GLCCI1: variants seen among roughly 807,000 people sequenced by gnomAD.
GLCCI1 encodes glucocorticoid induced 1.
GLCCI1 carries 24 observed loss-of-function variants against 52.2 expected under a neutral mutation model. The ratio of observed to expected loss-of-function variants is 0.46; its 90% CI spans 0.33 to 0.65. GLCCI1 has a LOEUF of 0.65. GLCCI1 is among the 30% of genes least tolerant of loss of function. The pLI, the probability that GLCCI1 is intolerant of heterozygous loss-of-function variation, is 0.02. For synonymous variants in GLCCI1, 310 were observed against 276.5 expected, an observed-to-expected ratio of 1.12 and a Z score of -1.20; for missense variants, 704 against 701.5, an observed-to-expected ratio of 1.00 and a Z score of -0.04.
intron 3 of GLCCI1, among the ~76,000 whole-genome samples, chr7:8,032,672 A>G (rs1180192175): frequency 6.6e-6 from 1 of 152,040 alleles, no homozygotes; most frequent in Non-Finnish European, 1.5e-5. Flanking sequence ...AAAGACACAA[A>G]TTAGTAGAAA....
chr7:8,060,152 A>C lies in GLCCI1; in HGVS notation c.870A>C (p.Ser290=), dbSNP rs1172703264. 2 of 1,613,714 alleles carry C rather than the reference A, an allele frequency of 1.2e-6. No individual in the cohort carries two copies. The highest frequency in any genetic ancestry group is 8.5e-7 in the Non-Finnish European group (1 of 1,179,784). The change falls in exon 5 of 8, where the codon TCA becomes TCC. Residue 290 remains serine, a synonymous_variant. Transcript: ENST00000223145. ...MPLSNISVPK[S]SVSRVPCNVE... ...TGTCAAATATATCAGTGCCAAAATC[A>C]TCTGTTTCGCGTGTGCCCTGCAATG...
At chr7:8,067,464 T>A (rs546864716) in intron 5 of GLCCI1, among the ~76,000 whole-genome samples, 4 of 152,358 alleles carry the variant, frequency 2.6e-5, no homozygotes, top group African/African-American at 9.6e-5. Flanking sequence ...TGCTTTATAG[T>A]GTCACTGTTC....
Position 7,976,493 on chromosome 7 carries a change from AAAAAAGGAAAGG to A in GLCCI1, c.457+6700_457+6711del, listed in dbSNP as rs1484752838. Among the ~76,000 whole-genome samples the A allele has an allele frequency of 9.6e-4, 140 of 145,644 alleles. 1 individual carries two copies. Among genetic ancestry groups the A allele is most frequent in the African/African-American group, 1.5e-3 (57 of 38,010 alleles). On this transcript the variant is annotated intron_variant, in intron 1 of 7. Transcript: ENST00000223145. ...AAACTCCATCTCAAAAAAAAAAAAA[AAAAAAGGAAAGG>A]AAAAAGGAAAGGAGAAAGGAAAAAG...
rs377649720 is a variant in GLCCI1 at position 8,012,605 on chromosome 7, C to T, written c.609+8546C>T. On this transcript the variant is annotated intron_variant, in intron 2 of 7. Coordinates refer to ENST00000223145, the MANE Select transcript of GLCCI1 (RefSeq NM_138426.4). ...GACTACAGGCGCCTGCCACCATGCC[C>T]GGCTAATTTTTTGTATTTTTTAGTA... Among the ~76,000 whole-genome samples the T allele has an allele frequency of 7.2e-3, 1,095 of 151,392 alleles. 17 individuals carry two copies. The highest frequency in any genetic ancestry group is 0.025 in the African/African-American group (1,026 of 41,298).
chr7:8,018,178 T>C (rs530526667), intron 2 of GLCCI1, among the ~76,000 whole-genome samples: 74 of 152,286 alleles, frequency 4.9e-4, no homozygotes, highest in African/African-American at 1.7e-3. Context: ...ATTTCTATAA[T>C]TGATTTATAA....
chr7:8,071,885 A>G (rs1225306083), intron 6 of GLCCI1, among the ~76,000 whole-genome samples: 1 of 152,226 alleles, frequency 6.6e-6, no homozygotes, highest in Non-Finnish European at 1.5e-5. Context: ...GTCAATGGCA[A>G]CAAAATTGTA....
At chr7:7,984,803 TTCTG>T (rs1323492516) in intron 1 of GLCCI1, among the ~76,000 whole-genome samples, 3 of 152,250 alleles carry the variant, frequency 2.0e-5, no homozygotes, top group East Asian at 1.9e-4. Flanking sequence ...TCCATTCCCT[TTCTG>T]TCTGAGTTTT....
chr7:8,055,471 A>G lies in GLCCI1; in HGVS notation c.735A>G (p.Lys245=). ...TGAGGCAGCAACTACAACGCAGTAA[A>G]CAGAGTAGTCGTCACAGTAAGGAGA... ...AKLRQQLQRS[K]QSSRHSKEKD... The change falls in exon 4 of 8, where the codon AAA becomes AAG. Residue 245 remains lysine (K), a synonymous_variant. Transcript: ENST00000223145. 1 of 1,614,042 alleles carries G rather than the reference A, an allele frequency of 6.2e-7. No individual in the cohort carries two copies. The highest frequency in any genetic ancestry group is 1.3e-5 in the African/African-American group (1 of 75,058).
At chr7:8,004,161 A>T in intron 2 of GLCCI1, 102 bp downstream of exon 2, 1 of 1,068,092 alleles carries the variant, frequency 9.4e-7, no homozygotes, top group South Asian at 1.9e-5. Flanking sequence ...AATTTGAAAT[A>T]CATCCAACCA....
intron 2 of GLCCI1, among the ~76,000 whole-genome samples, chr7:8,006,567 G>A (rs534084404): frequency 7.8e-4 from 119 of 152,244 alleles, no homozygotes; most frequent in Admixed American, 6.5e-4. Context: ...AGACATGCCC[G>A]CTTGTAACAT....
At chr7:8,016,478 CAAAA>C (rs561377357) in intron 2 of GLCCI1, among the ~76,000 whole-genome samples, 30 of 151,266 alleles carry the variant, frequency 2.0e-4, no homozygotes, top group African/African-American at 7.3e-4. Flanking sequence ...CAAAAACAAA[CAAAA>C]AAAACCAATT....
At chr7:8,054,380 A>C (rs1246738258) in intron 3 of GLCCI1, among the ~76,000 whole-genome samples, 1 of 152,188 alleles carries the variant, frequency 6.6e-6, no homozygotes, top group African/African-American at 2.4e-5. Flanking sequence ...CATAAGCTAC[A>C]TAGAGCTTTA....
At chr7:8,007,405 C>A (rs1781175973) in intron 2 of GLCCI1, among the ~76,000 whole-genome samples, 1 of 152,102 alleles carries the variant, frequency 6.6e-6, no homozygotes, top group Admixed American at 6.6e-5. Flanking sequence ...TGAACCCAGA[C>A]CTGGCTGATT....
intron 1 of GLCCI1, among the ~76,000 whole-genome samples, chr7:7,986,772 G>A (rs1296676323): frequency 6.6e-6 from 1 of 152,170 alleles, no homozygotes; most frequent in East Asian, 1.9e-4. Flanking sequence ...GATGGTTCCA[G>A]CCTTTATGGT....
At chr7:8,071,206 C>CTT (rs144884879) in intron 6 of GLCCI1, 75 bp downstream of exon 6, 183 of 882,292 alleles carry the variant, frequency 2.1e-4, no homozygotes, top group East Asian at 4.2e-4. Context: ...ACCATTACAT[C>CTT]TTTTTTTTTT....
At position 8,003,915 on chromosome 7, in the gene GLCCI1, G is replaced by C; in HGVS notation, c.465G>C (p.Lys155Asn). 6.2e-7 allele frequency: 1 copy of C among 1,610,376 alleles called. No homozygotes were observed. Among genetic ancestry groups the C allele is most frequent in the Non-Finnish European group, 8.5e-7 (1 of 1,178,404 alleles). The change falls in exon 2 of 8, where the codon AAG becomes AAC. Residue 155 changes from lysine to asparagine, a missense_variant. Transcript: ENST00000223145. Reference protein sequence around the residue: ...SPGSPVCRADKAKSQQVRTSS... With the variant: ...SPGSPVCRADNAKSQQVRTSS... ...TTTTTTCACTTTCTGTAGCGGACAA[G>C]GCAAAATCTCAGCAAGTTCGGACCT...
At position 8,017,684 on chromosome 7, in the gene GLCCI1, A is replaced by G. The variant is rs575328271; in HGVS notation, c.610-4799A>G. On this transcript the variant is annotated intron_variant, in intron 2 of 7. Coordinates refer to ENST00000223145, the MANE Select transcript of GLCCI1 (RefSeq NM_138426.4). ...AGTGCTGCTATTGCTGAATTCCTAA[A>G]GCTTAAAAAAAAACCTTCCGACTTT... Among the ~76,000 whole-genome samples the G allele has an allele frequency of 2.4e-3, 370 of 152,216 alleles. 3 individuals carry two copies. The highest frequency in any genetic ancestry group is 6.8e-3 in the Middle Eastern group (2 of 294).
intron 3 of GLCCI1, among the ~76,000 whole-genome samples, chr7:8,052,480 A>T (rs1224420735): frequency 6.6e-6 from 1 of 152,302 alleles, no homozygotes; most frequent in East Asian, 1.9e-4. Flanking sequence ...CACACCCAGG[A>T]TATATTTGTC....
At chr7:7,987,425 A>G (rs894210702) in intron 1 of GLCCI1, among the ~76,000 whole-genome samples, 2 of 152,194 alleles carry the variant, frequency 1.3e-5, no homozygotes, top group Admixed American at 1.3e-4. Flanking sequence ...ACTATTTAAG[A>G]CACTTGTCAT....
Sources: allele counts gnomAD v4.1 joint callset (sites outside exome capture counted in the v4.1 genomes callset), GRCh38; gene constraint gnomAD v4.1.1; transcripts MANE v1.5; gene names NCBI Gene and HGNC (gene_info 2026-07-23, HGNC 2026-07-21).